The following MAP4K5 variants were observed in gnomAD, a reference collection of about 807,000 sequenced individuals.
MAP4K5 encodes the protein MAPK/ERK kinase kinase kinase 5.
Under a neutral mutation model 135.6 loss-of-function variants are expected in MAP4K5, and 82 were observed. The observed-to-expected ratio is 0.60, with a 90% confidence interval of 0.51 to 0.73. The LOEUF is 0.73. MAP4K5 is among the 30% of genes least tolerant of loss of function. The pLI, the probability that MAP4K5 is intolerant of heterozygous loss-of-function variation, is 0.00. For synonymous variants in MAP4K5, 347 were observed against 335.0 expected, an observed-to-expected ratio of 1.04 and a Z score of -0.39; for missense variants, 907 against 1,010.9, an observed-to-expected ratio of 0.90 and a Z score of 1.39.
chr14:50,531,819 C>A (rs2140128563), intron 2 of MAP4K5, 123 bp downstream of exon 2: 2 of 765,312 alleles, frequency 2.6e-6, no homozygotes, highest in South Asian at 1.5e-5. Context: ...GGACCCCGGC[C>A]GCTTTCTCCC....
At chr14:50,520,224 C>T (rs1458632212) in intron 2 of MAP4K5, among the ~76,000 whole-genome samples, 1 of 152,034 alleles carries the variant, frequency 6.6e-6, no homozygotes, top group Non-Finnish European at 1.5e-5. Flanking sequence ...TTTGGCCGGG[C>T]GTGGTGGCTC....
chr14:50,482,420 G>C lies in MAP4K5; in HGVS notation c.323-4C>G. 6.6e-7 allele frequency: 1 copy of C among 1,512,350 alleles called. No homozygotes were observed. The highest frequency in any genetic ancestry group is 8.9e-7 in the Non-Finnish European group (1 of 1,127,434). 93.7% of individuals were successfully genotyped at this position (1,512,350 alleles called of 1,614,324 possible). On this transcript the variant is annotated splice_polypyrimidine_tract_variant and splice_region_variant and intron_variant, in intron 5 of 32. Coordinates refer to ENST00000682126, the MANE Select transcript of MAP4K5 (RefSeq NM_006575.6). ...AATTCTGATAATGGTCCAGTAACTA[G>C]AAAGAAAAAGAGACCACATTGTTAT... is the stretch of plus-strand genomic sequence containing the variant.
chr14:50,558,257 G>A (rs940115749), intron 1 of MAP4K5, among the ~76,000 whole-genome samples: 4 of 152,214 alleles, frequency 2.6e-5, no homozygotes, highest in African/African-American at 7.2e-5. Flanking sequence ...TACTTGAGAG[G>A]CTGAGGCATG....
chr14:50,492,619 GA>G (rs2139965889), intron 3 of MAP4K5, among the ~76,000 whole-genome samples: 1 of 149,234 alleles, frequency 6.7e-6, no homozygotes, highest in African/African-American at 2.5e-5. Context: ...ATTTGCTCAC[GA>G]AAGGACACAA....
At chr14:50,434,599 T>G in intron 27 of MAP4K5, 28 bp from the exon 28 acceptor site, 1 of 1,551,864 alleles carries the variant, frequency 6.4e-7, no homozygotes, top group Non-Finnish European at 8.7e-7. Context: ...AATAGAGCCA[T>G]AATTCAGAAA....
rs1201251387 is a variant in MAP4K5 at position 50,428,655 on chromosome 14, A to C, written c.2326+7T>G. The C allele has an allele frequency of 6.8e-7, 1 of 1,461,046 alleles. No individual in the cohort carries two copies. Among genetic ancestry groups the C allele is most frequent in the Non-Finnish European group, 9.2e-7 (1 of 1,091,140 alleles). 90.5% of individuals were successfully genotyped at this position (1,461,046 alleles called of 1,614,324 possible). On this transcript the variant is annotated splice_region_variant and intron_variant, in intron 30 of 32. Transcript: ENST00000682126. ...GCAAACTGATTTATGAAAAAAAGGA[A>C]ACTTACCTACAGATTCAATGCGAAA...
rs529232731 is a variant in MAP4K5, at chr14:50,518,842, A to G, written c.108+13100T>C. On this transcript the variant is annotated intron_variant, in intron 2 of 32. Coordinates refer to ENST00000682126, the MANE Select transcript of MAP4K5 (RefSeq NM_006575.6). The stretch of plus-strand genomic sequence containing the variant: ...ATCTGGAGGTCTTAATGGCAAAGGA[A>G]AGGGAGGAAAGGGCTTGAGTTTCAG... Among the ~76,000 whole-genome samples the G allele has an allele frequency of 2.0e-5, 3 of 152,310 alleles. No individual in the cohort carries two copies. The South Asian group carries it at 6.2e-4, about 32-fold the overall frequency.
chr14:50,540,450 T>C (rs746365954), intron 2 of MAP4K5, among the ~76,000 whole-genome samples: 9 of 152,110 alleles, frequency 5.9e-5, no homozygotes, highest in Non-Finnish European at 1.3e-4. Context: ...GCGGATGTCT[T>C]TGAGGGAGAG....
chr14:50,441,801 T>C (rs1480252058), intron 21 of MAP4K5, among the ~76,000 whole-genome samples: 2 of 146,366 alleles, frequency 1.4e-5, no homozygotes, highest in East Asian at 2.0e-4. Flanking sequence ...CACACACATA[T>C]ATATACCCCC....
At chr14:50,426,245 A>T (rs989468696) in intron 30 of MAP4K5, among the ~76,000 whole-genome samples, 1 of 152,194 alleles carries the variant, frequency 6.6e-6, no homozygotes, top group Non-Finnish European at 1.5e-5. Flanking sequence ...GGATGTTGGC[A>T]TATTCATTTC....
intron 2 of MAP4K5, among the ~76,000 whole-genome samples, chr14:50,523,828 A>T (rs372301506): frequency 6.6e-6 from 1 of 152,168 alleles, no homozygotes; most frequent in Non-Finnish European, 1.5e-5. Flanking sequence ...GAGGCCTTCT[A>T]TAAGTATTTG....
rs1277056406 is a variant in MAP4K5, at chr14:50,464,213, A to G, written c.738-80T>C. The G allele has an allele frequency of 7.0e-6, 5 of 712,148 alleles. No individual in the cohort carries two copies. The African/African-American group carries it at 7.2e-5, about 10-fold the overall frequency. 44.1% of individuals were successfully genotyped at this position (712,148 alleles called of 1,614,324 possible). A position where few individuals can be genotyped will look rare whatever the true frequency, so the allele number is the denominator to read the frequency against. ...TAGTAAATAACATTAACTTAGGAAC[A>G]GTTAGTCTAAAACACCATGATTTTT... On this transcript the variant is annotated intron_variant, in intron 11 of 32. Transcript: ENST00000682126.
chr14:50,493,336 GATTT>G (rs1220920573), intron 3 of MAP4K5, among the ~76,000 whole-genome samples: 1 of 152,068 alleles, frequency 6.6e-6, no homozygotes, highest in Admixed American at 6.5e-5. Flanking sequence ...TGAGCATTTT[GATTT>G]TTTTTCCAGT....
chr14:50,560,589 A>C, intron 1 of MAP4K5: 1 of 468,106 alleles, frequency 2.1e-6, no homozygotes, highest in Non-Finnish European at 3.9e-6. Flanking sequence ...GACAGCACCC[A>C]CCAGGCGCCT....
At chr14:50,467,602 T>C (rs979413102) in intron 10 of MAP4K5, among the ~76,000 whole-genome samples, 6 of 152,114 alleles carry the variant, frequency 3.9e-5, no homozygotes, top group African/African-American at 1.4e-4. Flanking sequence ...CATATTTAGA[T>C]TTTTTCCCTT....
intron 28 of MAP4K5, 62 bp downstream of exon 28, chr14:50,434,332 G>A (rs1282937585): frequency 7.8e-7 from 1 of 1,283,630 alleles, no homozygotes; most frequent in Admixed American, 2.3e-5. Flanking sequence ...TTTATAGGTG[G>A]TGTTTTGCTT....
chr14:50,510,180 C>G (rs2180494), intron 2 of MAP4K5, among the ~76,000 whole-genome samples: 1 of 152,070 alleles, frequency 6.6e-6, no homozygotes, highest in Non-Finnish European at 1.5e-5. Flanking sequence ...TTCTCGGTTA[C>G]CAATTATTAA....
chr14:50,490,077 G>T (rs2139951405), intron 3 of MAP4K5, among the ~76,000 whole-genome samples: 1 of 151,380 alleles, frequency 6.6e-6, no homozygotes, highest in South Asian at 2.1e-4. Flanking sequence ...GCATGGGTGT[G>T]TGTGTGTGTG....
chr14:50,548,960 G>C (rs551203496), intron 1 of MAP4K5, among the ~76,000 whole-genome samples: 1 of 152,148 alleles, frequency 6.6e-6, no homozygotes, highest in Non-Finnish European at 1.5e-5. Context: ...AAAGGTGGGT[G>C]GAAGGCTTTC....
Sources: gnomAD v4.1 joint callset for allele counts (sites outside exome capture counted in the v4.1 genomes callset) on GRCh38, gnomAD v4.1.1 for gene constraint, MANE v1.5 for transcripts, NCBI Gene and HGNC (gene_info 2026-07-23, HGNC 2026-07-21) for gene names.